The following HS6ST3 variants were observed in gnomAD, a reference collection of about 807,000 sequenced individuals.
The protein encoded by HS6ST3 is heparan-sulfate 6-O-sulfotransferase 3.
In HS6ST3, 12 loss-of-function variants were observed where a neutral mutation model predicts 36.7. The observed-to-expected ratio is 0.33, with a 90% CI of 0.21 to 0.53. HS6ST3 has a LOEUF of 0.53. Among genes scored for constraint, HS6ST3 ranks in the 20% least tolerant of loss-of-function variants. HS6ST3 has a pLI of 0.95. For synonymous variants in HS6ST3, 240 were observed against 257.5 expected, an observed-to-expected ratio of 0.93 and a Z score of 0.65; for missense variants, 584 against 640.9, an observed-to-expected ratio of 0.91 and a Z score of 0.96.
chr13:96,434,228 C>T (rs1471496042), intron 1 of HS6ST3, among the ~76,000 whole-genome samples: 1 of 152,108 alleles, frequency 6.6e-6, no homozygotes, highest in Non-Finnish European at 1.5e-5. Context: ...TGATAGTATA[C>T]CCCCAGGTTG....
chr13:96,515,625 C>T (rs768496016), intron 1 of HS6ST3, among the ~76,000 whole-genome samples: 12 of 152,132 alleles, frequency 7.9e-5, no homozygotes, highest in South Asian at 4.1e-4. Flanking sequence ...CCATAATCCC[C>T]ACGTGTCGAG....
At chr13:96,702,981 CTAGCCCAT>C (rs1447770483) in intron 1 of HS6ST3, among the ~76,000 whole-genome samples, 4 of 152,210 alleles carry the variant, frequency 2.6e-5, no homozygotes, top group African/African-American at 9.6e-5. Context: ...TAACTTTGGG[CTAGCCCAT>C]TCAACTACTC....
chr13:96,283,629 C>CATTTAGTTT (rs2054786138), intron 1 of HS6ST3, among the ~76,000 whole-genome samples: 1 of 152,090 alleles, frequency 6.6e-6, no homozygotes, highest in Admixed American at 6.6e-5. Context: ...AATAATATAC[C>CATTTAGTTT]ATTTAGTTTC....
chr13:96,459,994 G>A (rs1566367200), intron 1 of HS6ST3, among the ~76,000 whole-genome samples: 1 of 152,084 alleles, frequency 6.6e-6, no homozygotes, highest in Non-Finnish European at 1.5e-5. Flanking sequence ...TGATTAATGG[G>A]CAAATTGGTT....
chr13:96,668,588 G>C (rs912111442), intron 1 of HS6ST3, among the ~76,000 whole-genome samples: 1 of 150,456 alleles, frequency 6.6e-6, no homozygotes, highest in African/African-American at 2.4e-5. Flanking sequence ...AATCTTATTG[G>C]AGACAGAAGA....
At chr13:96,347,365 T>C (rs1451410471) in intron 1 of HS6ST3, among the ~76,000 whole-genome samples, 1 of 152,194 alleles carries the variant, frequency 6.6e-6, no homozygotes, top group Non-Finnish European at 1.5e-5. Context: ...CTTTTATGCC[T>C]CATTCTGGTC....
At chr13:96,417,895 T>C (rs996317386) in intron 1 of HS6ST3, among the ~76,000 whole-genome samples, 1 of 152,108 alleles carries the variant, frequency 6.6e-6, no homozygotes, top group African/African-American at 2.4e-5. Flanking sequence ...AGTATTTTCA[T>C]CAATGAATTG....
chr13:96,576,704 G>A (rs945244685), intron 1 of HS6ST3, among the ~76,000 whole-genome samples: 2 of 151,966 alleles, frequency 1.3e-5, no homozygotes, highest in Non-Finnish European at 2.9e-5. Flanking sequence ...CACTTTGGGA[G>A]GCCAAGGCAG....
intron 1 of HS6ST3, among the ~76,000 whole-genome samples, chr13:96,312,508 T>C (rs1169438481): frequency 6.6e-6 from 1 of 152,202 alleles, no homozygotes; most frequent in Non-Finnish European, 1.5e-5. Flanking sequence ...TTAGTTTCTG[T>C]TATTGTTCTC....
intron 1 of HS6ST3, among the ~76,000 whole-genome samples, chr13:96,401,117 G>T (rs543377298): frequency 6.6e-6 from 1 of 152,146 alleles, no homozygotes; most frequent in Non-Finnish European, 1.5e-5. Flanking sequence ...GACTGGGAGG[G>T]TGCAGAAGGA....
At chr13:96,265,092 C>T (rs907406143) in intron 1 of HS6ST3, among the ~76,000 whole-genome samples, 7 of 152,098 alleles carry the variant, frequency 4.6e-5, no homozygotes, top group African/African-American at 1.7e-4. Context: ...TGATGTTACC[C>T]TGCAAAGAAA....
At chr13:96,736,192 A>G (rs1040942313) in intron 1 of HS6ST3, among the ~76,000 whole-genome samples, 2 of 152,156 alleles carry the variant, frequency 1.3e-5, no homozygotes, top group Non-Finnish European at 1.5e-5. Context: ...TATGTAACAT[A>G]CCCACACATC....
chr13:96,162,098 C>G (rs1163881666), intron 1 of HS6ST3, among the ~76,000 whole-genome samples: 2 of 152,004 alleles, frequency 1.3e-5, no homozygotes, highest in African/African-American at 4.8e-5. Flanking sequence ...TGTATCACAG[C>G]CTGGGAACAG....
chr13:96,800,202 GA>G (rs1043388907), intron 1 of HS6ST3, among the ~76,000 whole-genome samples: 15 of 150,404 alleles, frequency 1.0e-4, no homozygotes, highest in Middle Eastern at 3.5e-3. Flanking sequence ...TATAGGTAGG[GA>G]AAAAATGCAG....
intron 1 of HS6ST3, among the ~76,000 whole-genome samples, chr13:96,172,432 A>T (rs1216959960): frequency 6.6e-6 from 1 of 152,086 alleles, no homozygotes; most frequent in Non-Finnish European, 1.5e-5. Flanking sequence ...TAAAGTGTAC[A>T]GTTTGAGAAT....
chr13:96,645,149 T>G (rs2056584546), intron 1 of HS6ST3, among the ~76,000 whole-genome samples: 1 of 151,936 alleles, frequency 6.6e-6, no homozygotes, highest in Non-Finnish European at 1.5e-5. Flanking sequence ...TTCTGGTAAA[T>G]GTTCTCACAA....
In HS6ST3 at chr13:96,478,874, C is replaced by T. The variant is rs1166865661; in HGVS notation, c.708-353616C>T. ...AAGTGGTAGAAGAGGAGTGTAAAGA[C>T]AGATTGATTAGACTCTTAAATCCTT... is the stretch of plus-strand genomic sequence containing the variant. On this transcript the variant is annotated intron_variant, in intron 1 of 1. Transcript: ENST00000376705. Among the ~76,000 whole-genome samples the T allele has an allele frequency of 2.0e-5, 3 of 152,146 alleles. No individual in the cohort carries two copies. The East Asian group carries it at 5.8e-4, about 29-fold the overall frequency.
intron 1 of HS6ST3, among the ~76,000 whole-genome samples, chr13:96,766,387 G>A (rs552722519): frequency 6.6e-6 from 1 of 152,116 alleles, no homozygotes; most frequent in African/African-American, 2.4e-5. Flanking sequence ...TGTTATTTCA[G>A]TTCCTTAGCT....
rs149474980 is a variant in HS6ST3, at chr13:96,457,173, C to T, written c.707+365604C>T. ...TTACTCTGAAGTATATTTCAGTGGA[C>T]AAACACTTATTCTTTTAATAGAAAA... On this transcript the variant is annotated intron_variant, in intron 1 of 1. Coordinates refer to ENST00000376705, the MANE Select transcript of HS6ST3 (RefSeq NM_153456.4). 1.3e-3 allele frequency among the ~76,000 whole-genome samples: 198 copies of T among 152,172 alleles called. 4 individuals are homozygous for T. The East Asian group carries it at 0.034, about 26-fold the overall frequency.
Sources: allele counts gnomAD v4.1 joint callset (sites outside exome capture counted in the v4.1 genomes callset), GRCh38; gene constraint gnomAD v4.1.1; transcripts MANE v1.5; gene names NCBI Gene and HGNC (gene_info 2026-07-23, HGNC 2026-07-21).